Variants in DLC1 observed in about 807,000 individuals in gnomAD.
DLC1 encodes DLC1 Rho GTPase activating protein, also known as rho GTPase-activating protein 7.
DLC1 carries 54 observed loss-of-function variants against 140.3 expected under a neutral mutation model. The observed-to-expected ratio is 0.38, with a 90% CI of 0.31 to 0.48. DLC1 has a LOEUF of 0.48. DLC1 is among the 20% of genes least tolerant of loss of function. The pLI is 0.96. For missense variants in DLC1, 2,536 were observed against 1,907.0 expected (o/e 1.33, Z -6.14); for synonymous variants, 986 against 728.1 (o/e 1.35, Z -5.70).
At chr8:13,594,468 C>G (rs956201335) in intron 1 of DLC1, among the ~76,000 whole-genome samples, 1 of 152,098 alleles carries the variant, frequency 6.6e-6, no homozygotes. Flanking sequence ...GATTCTCCCA[C>G]ATTGCTTTCG....
chr8:13,164,368 A>G (rs1198947696), intron 5 of DLC1, among the ~76,000 whole-genome samples: 1 of 151,580 alleles, frequency 6.6e-6, no homozygotes, highest in Non-Finnish European at 1.5e-5. Context: ...CTGTCTGTCT[A>G]TTTGTGTTTC....
intron 5 of DLC1, among the ~76,000 whole-genome samples, chr8:13,279,038 A>G (rs1160111180): frequency 4.6e-5 from 7 of 152,240 alleles, no homozygotes; most frequent in Non-Finnish European, 1.5e-5. Context: ...ATTAATGACC[A>G]TAGTAACGAC....
chr8:13,464,164 T>TGCC (rs1799813770), intron 2 of DLC1, among the ~76,000 whole-genome samples: 2 of 152,152 alleles, frequency 1.3e-5, no homozygotes, highest in African/African-American at 4.8e-5. Flanking sequence ...CCCTGGGCTT[T>TGCC]TTAGGCAGAT....
intron 5 of DLC1, among the ~76,000 whole-genome samples, chr8:13,122,217 C>T (rs1465934594): frequency 6.6e-6 from 1 of 152,168 alleles, no homozygotes; most frequent in Non-Finnish European, 1.5e-5. Context: ...AAATACAATC[C>T]AAACTCCTCA....
chr8:13,170,665 G>C (rs1339928896), intron 5 of DLC1, among the ~76,000 whole-genome samples: 1 of 148,944 alleles, frequency 6.7e-6, no homozygotes, highest in Non-Finnish European at 1.5e-5. Flanking sequence ...GGGAGGCGGA[G>C]CTTGCAGTGA....
In DLC1 at chr8:13,102,785, C is replaced by G. The variant is rs1156962885; in HGVS notation, c.1566+5G>C. On this transcript the variant is annotated splice_donor_5th_base_variant and intron_variant, in intron 8 of 17. Transcript: ENST00000276297. ...CTCATTCTATTATGCAATTTGTATA[C>G]TCACTCGTTTCCGATGAGGACTAAT... 1 of 1,613,328 alleles carries G rather than the reference C, an allele frequency of 6.2e-7. No homozygotes were observed. The highest frequency in any genetic ancestry group is 8.5e-7 in the Non-Finnish European group (1 of 1,179,444).
rs1398245518 is a variant in DLC1 at position 13,311,923 on chromosome 8, C to T, written c.1315-6621G>A. Among the ~76,000 whole-genome samples the T allele has an allele frequency of 4.6e-5, 7 of 152,146 alleles. No individual in the cohort carries two copies. In the South Asian group the frequency reaches 1.2e-3, roughly 27 times the overall value. On this transcript the variant is annotated intron_variant, in intron 4 of 17. Coordinates refer to ENST00000276297, the MANE Select transcript of DLC1 (RefSeq NM_182643.3). ...TTAAAGCTGGTGACTCTGTCTTCAA[C>T]AAATCCTGCAGAATATTTTACTCCA... is the stretch of plus-strand genomic sequence containing the variant.
intron 1 of DLC1, among the ~76,000 whole-genome samples, chr8:13,546,882 C>A (rs556965819): frequency 3.9e-5 from 6 of 152,078 alleles, no homozygotes; most frequent in Non-Finnish European, 8.8e-5. Context: ...AACAATCCTA[C>A]ATTTCCTGAA....
At chr8:13,232,260 C>T (rs1829081088) in intron 5 of DLC1, among the ~76,000 whole-genome samples, 1 of 152,124 alleles carries the variant, frequency 6.6e-6, no homozygotes, top group Admixed American at 6.6e-5. Context: ...TTTTCTTCCT[C>T]CACAGTCGCT....
intron 5 of DLC1, among the ~76,000 whole-genome samples, chr8:13,215,212 A>G (rs1470241138): frequency 6.6e-6 from 1 of 152,194 alleles, no homozygotes; most frequent in Non-Finnish European, 1.5e-5. Context: ...AACGTCTTAC[A>G]AAAAAATAAT....
At chr8:13,166,222 C>T (rs1825096514) in intron 5 of DLC1, among the ~76,000 whole-genome samples, 1 of 152,182 alleles carries the variant, frequency 6.6e-6, no homozygotes, top group East Asian at 1.9e-4. Flanking sequence ...CACATTTTCT[C>T]TCTGCAGTGT....
intron 5 of DLC1, among the ~76,000 whole-genome samples, chr8:13,259,187 A>G (rs1261809267): frequency 2.6e-5 from 4 of 151,862 alleles, no homozygotes; most frequent in Admixed American, 1.3e-4. Flanking sequence ...AAAAATTACA[A>G]TTATGAAATA....
chr8:13,472,145 A>T (rs1206869763), intron 2 of DLC1, among the ~76,000 whole-genome samples: 1 of 152,218 alleles, frequency 6.6e-6, no homozygotes, highest in East Asian at 1.9e-4. Context: ...AACAAGCGCC[A>T]ACTTATTTTT....
intron 5 of DLC1, among the ~76,000 whole-genome samples, chr8:13,273,622 T>A (rs907613012): frequency 2.0e-5 from 3 of 150,860 alleles, no homozygotes; most frequent in Non-Finnish European, 4.4e-5. Context: ...GAAGGGAGTT[T>A]AAGACAAGGA....
At chr8:13,194,120 T>G (rs1451110610) in intron 5 of DLC1, among the ~76,000 whole-genome samples, 3 of 152,160 alleles carry the variant, frequency 2.0e-5, no homozygotes, top group African/African-American at 7.2e-5. Context: ...CACAGAGAAA[T>G]GAGCACTTAA....
intron 4 of DLC1, among the ~76,000 whole-genome samples, chr8:13,388,085 A>G: frequency 6.6e-6 from 1 of 152,060 alleles, no homozygotes; most frequent in Non-Finnish European, 1.5e-5. Flanking sequence ...CAGGTTCAGG[A>G]ATTTAGTTGA....
chr8:13,575,708 C>T (rs1400993108), intron 1 of DLC1, among the ~76,000 whole-genome samples: 2 of 152,180 alleles, frequency 1.3e-5, no homozygotes, highest in Admixed American at 6.5e-5. Context: ...TAATAGTGCT[C>T]TCTCAGGCCT....
intron 2 of DLC1, among the ~76,000 whole-genome samples, chr8:13,443,044 G>T (rs1798598362): frequency 6.6e-6 from 1 of 152,124 alleles, no homozygotes; most frequent in Admixed American, 6.5e-5. Context: ...ATGAGTTCAT[G>T]TCCTTTGTAG....
At chr8:13,255,017 C>T (rs1185151670) in intron 5 of DLC1, among the ~76,000 whole-genome samples, 1 of 151,306 alleles carries the variant, frequency 6.6e-6, no homozygotes, top group Non-Finnish European at 1.5e-5. Flanking sequence ...CACTCTGTTG[C>T]CCAGGCTTGA....
Sources: allele counts gnomAD v4.1 joint callset (sites outside exome capture counted in the v4.1 genomes callset), GRCh38; gene constraint gnomAD v4.1.1; transcripts MANE v1.5; gene names NCBI Gene and HGNC (gene_info 2026-07-23, HGNC 2026-07-21).